Variants in CEP89 observed in about 807,000 individuals in gnomAD.
The protein encoded by CEP89 is centrosomal protein of 89 kDa.
Under a neutral mutation model 97.6 loss-of-function variants are expected in CEP89, and 95 were observed. The ratio of observed to expected loss-of-function variants is 0.97; its 90% confidence interval spans 0.82 to 1.15. The LOEUF (loss-of-function observed/expected upper bound fraction) is 1.15, where lower values mean the gene tolerates loss of function less well. CEP89 is among the 50% of genes most tolerant of loss of function. The pLI is 0.00. For synonymous variants in CEP89, 354 were observed against 349.1 expected (o/e 1.01, Z -0.16); for missense variants, 869 against 947.7 (o/e 0.92, Z 1.09).
At chr19:32,955,131 C>T (rs1971020092) in intron 3 of CEP89, among the ~76,000 whole-genome samples, 1 of 151,824 alleles carries the variant, frequency 6.6e-6, no homozygotes, top group Non-Finnish European at 1.5e-5. Context: ...ACTAGAGATG[C>T]ACTCCACCAT....
At position 32,923,508 on chromosome 19, in the gene CEP89, T is replaced by G. The variant is rs946323995; in HGVS notation, c.1199A>C (p.Glu400Ala). ...CAATTCTTCATTTTCTTTCACCACT[T>G]CTTGGACTCGCATCCTAAACATTCT... is the stretch of plus-strand genomic sequence containing the variant. Reference protein sequence around the residue: ...EMRMFRMRVQEVVKENEELHQ... With the variant: ...EMRMFRMRVQAVVKENEELHQ... The change falls in exon 12 of 19, where the codon GAA becomes GCA. Residue 400 changes from glutamate to alanine, a missense_variant. Transcript: ENST00000305768. 1.9e-6 allele frequency: 3 copies of G among 1,610,036 alleles called. No individual in the cohort carries two copies. The highest frequency in any genetic ancestry group is 1.3e-5 in the African/African-American group (1 of 74,858).
chr19:32,881,736 C>A, intron 18 of CEP89, 108 bp downstream of exon 18: 2 of 1,107,796 alleles, frequency 1.8e-6, no homozygotes, highest in African/African-American at 1.6e-5. Context: ...AATGTAGAAA[C>A]AAAATTAAAC....
At chr19:32,942,365 G>A (rs1398746762) in intron 5 of CEP89, among the ~76,000 whole-genome samples, 1 of 152,098 alleles carries the variant, frequency 6.6e-6, no homozygotes, top group East Asian at 1.9e-4. Context: ...TGGACAACAA[G>A]AGCGACCCCG....
At chr19:32,953,847 C>A in intron 3 of CEP89, 46 bp from the exon 4 acceptor site, 7 of 1,164,754 alleles carry the variant, frequency 6.0e-6, no homozygotes, top group South Asian at 1.3e-5. Context: ...AGTCACTTAA[C>A]ACTTGACACT....
intron 3 of CEP89, among the ~76,000 whole-genome samples, chr19:32,959,124 G>A (rs1971112936): frequency 6.6e-6 from 1 of 150,748 alleles, no homozygotes; most frequent in Non-Finnish European, 1.5e-5. Flanking sequence ...GAGACCTCCA[G>A]TGTCTTCCCA....
At chr19:32,926,360 T>C in intron 10 of CEP89, 87 bp from the exon 11 acceptor site, 1 of 941,138 alleles carries the variant, frequency 1.1e-6, no homozygotes, top group Non-Finnish European at 1.7e-6. Context: ...AGTTATACTT[T>C]TTTGAAATGG....
intron 11 of CEP89, among the ~76,000 whole-genome samples, chr19:32,924,566 T>C (rs1282341919): frequency 1.8e-4 from 28 of 152,094 alleles, no homozygotes; most frequent in Admixed American, 1.6e-3. Context: ...GCCTGTAAAA[T>C]ATTCTACTCC....
intron 12 of CEP89, 40 bp from the exon 13 acceptor site, chr19:32,918,379 G>C: frequency 4.2e-6 from 6 of 1,429,234 alleles, no homozygotes; most frequent in Non-Finnish European, 5.9e-6. Context: ...TGATTCAGGT[G>C]CTGAATGGTT....
At chr19:32,923,415 G>C in intron 12 of CEP89, 24 bp downstream of exon 12, 1 of 1,203,426 alleles carries the variant, frequency 8.3e-7, no homozygotes, top group East Asian at 2.4e-5. Flanking sequence ...ATTAGCAAAA[G>C]AGCAGAAACA....
intron 2 of CEP89, 119 bp from the exon 3 acceptor site, chr19:32,960,177 ACT>A: frequency 9.9e-7 from 1 of 1,005,172 alleles, no homozygotes. Context: ...CTGAGCATTT[ACT>A]CTGCACCCAT....
rs1354697263 is a variant in CEP89, at chr19:32,926,972, C to T, written c.1042G>A (p.Glu348Lys). ...ATAGGGCCCTTGGATGGGAGGCCTT[C>T]AATATTTAAGCTCTAAGAACAAAAC... ...HLSKEESLNI[E>K]GLPSKGPIPP... is the part of the protein sequence containing the mutation. The change falls in exon 10 of 19, where the codon GAA (glutamate) becomes AAA (lysine). Residue 348 changes from glutamate (E) to lysine (K), a missense_variant. Transcript: ENST00000305768. 6.2e-7 allele frequency: 1 copy of T among 1,613,496 alleles called. No homozygotes were observed. The highest frequency in any genetic ancestry group is 8.5e-7 in the Non-Finnish European group (1 of 1,179,586).
At chr19:32,967,847 G>C (rs191126009) in intron 1 of CEP89, among the ~76,000 whole-genome samples, 1 of 152,330 alleles carries the variant, frequency 6.6e-6, no homozygotes, top group African/African-American at 2.4e-5. Flanking sequence ...AGGCATCTTC[G>C]AGGGTGGGGC....
At chr19:32,960,165 G>A (rs557698239) in intron 2 of CEP89, 107 bp from the exon 3 acceptor site, 7 of 1,204,230 alleles carry the variant, frequency 5.8e-6, no homozygotes, top group Middle Eastern at 3.8e-4. Context: ...GGACAGTGTC[G>A]ACTGAGCATT....
At chr19:32,898,005 T>C (rs577079602) in intron 16 of CEP89, among the ~76,000 whole-genome samples, 3 of 152,344 alleles carry the variant, frequency 2.0e-5, no homozygotes, top group East Asian at 1.9e-4. Flanking sequence ...AATTACCATA[T>C]GATCCAGCAA....
chr19:32,909,387 A>G (rs943833970), intron 14 of CEP89, among the ~76,000 whole-genome samples: 2 of 152,210 alleles, frequency 1.3e-5, no homozygotes, highest in Non-Finnish European at 2.9e-5. Context: ...ACAGGGAACC[A>G]CCAGGGCAGA....
intron 1 of CEP89, 24 bp from the exon 2 acceptor site, chr19:32,966,490 AGTCACTGGGTTGG>A (rs1330918245): frequency 7.0e-7 from 1 of 1,420,084 alleles, no homozygotes; most frequent in South Asian, 1.5e-5. Context: ...ATCCAACAGA[AGTCACTGGGTTGG>A]GTCACTGGAT....
rs562336213 is a variant in CEP89, at chr19:32,941,320, T to G, written c.596-1435A>C. 4.6e-5 allele frequency among the ~76,000 whole-genome samples: 7 copies of G among 151,708 alleles called. No individual in the cohort carries two copies. The East Asian group carries it at 1.4e-3, about 30-fold the overall frequency. On this transcript the variant is annotated intron_variant, in intron 5 of 18. Transcript: ENST00000305768. The stretch of plus-strand genomic sequence containing the variant: ...GAGTTCAAGACTAGCCTGGCCAACA[T>G]AGTGAAACCCCATCTCTACTAAAAA...
chr19:32,949,807 A>G (rs1970873732), intron 4 of CEP89, among the ~76,000 whole-genome samples: 1 of 152,014 alleles, frequency 6.6e-6, no homozygotes, highest in Non-Finnish European at 1.5e-5. Flanking sequence ...GCTGCACTGC[A>G]GGCAATGGAA....
At chr19:32,944,588 G>A (rs1363642296) in intron 5 of CEP89, among the ~76,000 whole-genome samples, 1 of 152,164 alleles carries the variant, frequency 6.6e-6, no homozygotes, top group South Asian at 2.1e-4. Flanking sequence ...GAGGTATGAG[G>A]AGACATGGAG....
Sources: allele counts gnomAD v4.1 joint callset (sites outside exome capture counted in the v4.1 genomes callset), GRCh38; gene constraint gnomAD v4.1.1; transcripts MANE v1.5; gene names NCBI Gene and HGNC (gene_info 2026-07-23, HGNC 2026-07-21).